TSNARE1: variants seen among roughly 807,000 people sequenced by gnomAD.
TSNARE1 encodes t-SNARE domain containing 1.
TSNARE1 carries 49 observed loss-of-function variants against 62.0 expected under a neutral mutation model. That is an observed-to-expected ratio of 0.79 (90% confidence interval 0.63 to 1.00). TSNARE1 has a LOEUF of 1.00. TSNARE1 is among the 50% of genes least tolerant of loss of function. The pLI is 0.00. For missense variants in TSNARE1, 755 were observed against 700.1 expected (o/e 1.08, Z -0.88); for synonymous variants, 328 against 294.4 (o/e 1.11, Z -1.17).
intron 1 of TSNARE1, among the ~76,000 whole-genome samples, chr8:142,392,703 G>A (rs572754376): frequency 3.9e-5 from 6 of 152,194 alleles, no homozygotes; most frequent in Non-Finnish European, 7.3e-5. Context: ...AGGAGGCCGA[G>A]GTGGGCGGAT....
At chr8:142,313,554 C>T (rs13267784) in intron 9 of TSNARE1, among the ~76,000 whole-genome samples, 103,164 of 151,610 alleles carry the variant, frequency 0.68, 35,849 homozygotes, top group African/African-American at 0.82. Context: ...TGTCTGTTTA[C>T]CTGCATGTGT....
chr8:142,320,142 C>CA (rs1300730924), intron 6 of TSNARE1, among the ~76,000 whole-genome samples: 1 of 152,196 alleles, frequency 6.6e-6, no homozygotes, highest in Non-Finnish European at 1.5e-5. Flanking sequence ...GTCCCCGGCC[C>CA]ACTCACCACT....
intron 9 of TSNARE1, among the ~76,000 whole-genome samples, chr8:142,306,813 T>C (rs1293725622): frequency 6.6e-6 from 1 of 152,204 alleles, no homozygotes; most frequent in Non-Finnish European, 1.5e-5. Context: ...CCCACCTTTT[T>C]AAAAGAAAAT....
chr8:142,350,498 A>C lies in TSNARE1; in HGVS notation c.88+4139T>G, dbSNP rs551846694. Among the ~76,000 whole-genome samples the C allele has an allele frequency of 1.8e-4, 28 of 152,368 alleles. No individual in the cohort carries two copies. The South Asian group carries it at 5.8e-3, about 32-fold the overall frequency. On this transcript the variant is annotated intron_variant, in intron 2 of 13. Transcript: ENST00000524325. ...ACAAAGGAAAACACTAGACCCACAT[A>C]GTTTTACAGCAAAAACCCAGAAACA...
intron 12 of TSNARE1, among the ~76,000 whole-genome samples, chr8:142,266,799 G>A (rs745981873): frequency 7.2e-5 from 11 of 152,180 alleles, no homozygotes; most frequent in Non-Finnish European, 1.3e-4. Flanking sequence ...CTCCTCTTCC[G>A]GGACTCCAAG....
At chr8:142,296,889 G>A (rs887374068) in intron 10 of TSNARE1, among the ~76,000 whole-genome samples, 7 of 152,102 alleles carry the variant, frequency 4.6e-5, no homozygotes, top group South Asian at 2.1e-4. Context: ...TGCCCAGAAC[G>A]GAGGCTGGCC....
intron 1 of TSNARE1, among the ~76,000 whole-genome samples, chr8:142,371,609 G>A (rs374305433): frequency 5.3e-5 from 8 of 152,262 alleles, no homozygotes; most frequent in African/African-American, 1.7e-4. Context: ...AGGAGGTATC[G>A]GGCTGTAAAG....
At chr8:142,223,112 G>GTTCA (rs1472150708) in intron 13 of TSNARE1, among the ~76,000 whole-genome samples, 2 of 15,636 alleles carry the variant, frequency 1.3e-4, no homozygotes, top group East Asian at 1.9e-3. Flanking sequence ...TCACTCACTC[G>GTTCA]TTCACTCATT....
intron 12 of TSNARE1, among the ~76,000 whole-genome samples, chr8:142,258,826 C>T (rs576373894): frequency 8.5e-5 from 13 of 152,280 alleles, no homozygotes; most frequent in African/African-American, 2.2e-4. Flanking sequence ...CCAGCCAGAA[C>T]GCATGCCTTT....
At chr8:142,272,230 CTCCT>C (rs1237637559) in intron 12 of TSNARE1, among the ~76,000 whole-genome samples, 7 of 152,000 alleles carry the variant, frequency 4.6e-5, no homozygotes, top group African/African-American at 1.5e-4. Flanking sequence ...CTACTCCTTC[CTCCT>C]TCCATCTACC....
intron 9 of TSNARE1, among the ~76,000 whole-genome samples, chr8:142,312,399 A>T (rs902063572): frequency 2.0e-5 from 3 of 152,154 alleles, no homozygotes; most frequent in Non-Finnish European, 4.4e-5. Context: ...AATTGCAGAG[A>T]TTCTAGATGA....
At chr8:142,222,991 C>G (rs1456151190) in intron 13 of TSNARE1, among the ~76,000 whole-genome samples, 26 of 134,960 alleles carry the variant, frequency 1.9e-4, no homozygotes, top group African/African-American at 7.0e-4. Flanking sequence ...CATTCACTCA[C>G]TCTCTCATTC....
rs536703031 is a variant in TSNARE1 at position 142,334,152 on chromosome 8, A to C, written c.746-2321T>G. Among the ~76,000 whole-genome samples, 8 of 152,374 alleles carry C rather than the reference A, an allele frequency of 5.3e-5. No individual in the cohort carries two copies. In the East Asian group the frequency reaches 1.4e-3, roughly 26 times the overall value. ...AAGCCAACTGCTGGAACTGTGTTCA[A>C]ATAAGGCAAATGCCAAGCTGTAACT... On this transcript the variant is annotated intron_variant, in intron 4 of 13. Transcript: ENST00000524325.
In TSNARE1 at chr8:142,336,372, A is replaced by G. The variant is rs113517260; in HGVS notation, c.746-4541T>C. 5.6e-3 allele frequency among the ~76,000 whole-genome samples: 851 copies of G among 152,066 alleles called. 12 individuals carry two copies. Among genetic ancestry groups the G allele is most frequent in the African/African-American group, 0.02 (810 of 41,460 alleles). The stretch of plus-strand genomic sequence containing the variant: ...CATATATAAAATCAGATGAAATTAT[A>G]AGTAAAAATTAGAAAAATATATCAT... On this transcript the variant is annotated intron_variant, in intron 4 of 13. Coordinates refer to ENST00000524325, the MANE Select transcript of TSNARE1 (RefSeq NM_145003.5).
intron 1 of TSNARE1, among the ~76,000 whole-genome samples, chr8:142,379,205 G>C (rs1032739304): frequency 1.3e-5 from 2 of 152,226 alleles, no homozygotes; most frequent in African/African-American, 2.4e-5. Flanking sequence ...TGTATAGTGG[G>C]CATGCCTCAG....
At chr8:142,284,748 G>C (rs1822394497) in intron 10 of TSNARE1, among the ~76,000 whole-genome samples, 1 of 152,202 alleles carries the variant, frequency 6.6e-6, no homozygotes, top group Non-Finnish European at 1.5e-5. Flanking sequence ...TCCTGACTCT[G>C]AAGCCAAACC....
rs777694762 is a variant in TSNARE1 at position 142,315,070 on chromosome 8, C to G, written c.1007G>C (p.Arg336Pro). 6.2e-7 allele frequency: 1 copy of G among 1,613,948 alleles called. No homozygotes were observed. Residue 336 changes from arginine to proline, a missense_variant, in exon 8 of 14, where the codon CGT (arginine) becomes CCT (proline). Arg to Pro is a moderately radical substitution (Grantham distance 103, BLOSUM62 -2). Coordinates refer to ENST00000524325, the MANE Select transcript of TSNARE1 (RefSeq NM_145003.5). Reference sequence around the variant, plus strand: ...GGTTTTCAGCCGGTCCAGCTGAGGACGCTCCTGCTGCAGACGCTCCTGCTG... The same window carrying G: ...GGTTTTCAGCCGGTCCAGCTGAGGAGGCTCCTGCTGCAGACGCTCCTGCTG... ...SCPQERLQQE[R>P]PQLDRLKTQL...
In TSNARE1 at chr8:142,336,180, C is replaced by T. The variant is rs149131574; in HGVS notation, c.746-4349G>A. 1.7e-3 allele frequency among the ~76,000 whole-genome samples: 260 copies of T among 149,644 alleles called. 2 individuals carry two copies. The highest frequency in any genetic ancestry group is 5.9e-3 in the African/African-American group (241 of 40,702). On this transcript the variant is annotated intron_variant, in intron 4 of 13. Coordinates refer to ENST00000524325, the MANE Select transcript of TSNARE1 (RefSeq NM_145003.5). Reference sequence around the variant, plus strand: ...CCTGCAGTCTCAGCTACTTGAAATGCTGAGGTGGGAAGACTGCCTGAACCT... The same window carrying T: ...CCTGCAGTCTCAGCTACTTGAAATGTTGAGGTGGGAAGACTGCCTGAACCT...
chr8:142,222,962 A>G (rs1268719047), intron 13 of TSNARE1, among the ~76,000 whole-genome samples: 1 of 150,900 alleles, frequency 6.6e-6, no homozygotes, highest in South Asian at 2.1e-4. Flanking sequence ...CCACTCACTC[A>G]CTCATTCACT....
Sources: gnomAD v4.1 joint callset for allele counts (sites outside exome capture counted in the v4.1 genomes callset) on GRCh38, gnomAD v4.1.1 for gene constraint, MANE v1.5 for transcripts, NCBI Gene and HGNC (gene_info 2026-07-23, HGNC 2026-07-21) for gene names.